Variants in ROCK2 observed in about 807,000 individuals in gnomAD.
The protein encoded by ROCK2 is Rho associated coiled-coil containing protein kinase 2, also known as rho-associated protein kinase 2.
ROCK2 carries 61 observed loss-of-function variants against 195.1 expected under a neutral mutation model. That is an observed-to-expected ratio of 0.31 (90% CI 0.25 to 0.39). ROCK2 has a LOEUF of 0.39. Among genes scored for constraint, ROCK2 ranks in the 10% least tolerant of loss-of-function variants. The pLI is 1.00. For synonymous variants in ROCK2, 504 were observed against 545.5 expected, an observed-to-expected ratio of 0.92 and a Z score of 1.06; for missense variants, 1,109 against 1,637.4, an observed-to-expected ratio of 0.68 and a Z score of 5.57.
At chr2:11,338,278 TGAA>T (rs952533643) in intron 1 of ROCK2, among the ~76,000 whole-genome samples, 28 of 152,088 alleles carry the variant, frequency 1.8e-4, no homozygotes, top group Admixed American at 1.8e-3. Context: ...GACCAGGAGT[TGAA>T]GGTTATAGTG....
intron 3 of ROCK2, among the ~76,000 whole-genome samples, chr2:11,277,534 T>A (rs924573718): frequency 1.3e-5 from 2 of 152,190 alleles, no homozygotes; most frequent in African/African-American, 4.8e-5. Flanking sequence ...CTTATGCCTT[T>A]GCGTACTCAT....
chr2:11,339,107 T>C (rs1669024629), intron 1 of ROCK2, among the ~76,000 whole-genome samples: 1 of 152,216 alleles, frequency 6.6e-6, no homozygotes, highest in African/African-American at 2.4e-5. Context: ...TTTCATTGCA[T>C]GCAAATTTAA....
intron 1 of ROCK2, among the ~76,000 whole-genome samples, chr2:11,332,365 T>C (rs1668794805): frequency 1.3e-5 from 2 of 152,312 alleles, no homozygotes; most frequent in African/African-American, 4.8e-5. Flanking sequence ...AACACTGGAA[T>C]TGGCCTGTGG....
intron 12 of ROCK2, among the ~76,000 whole-genome samples, chr2:11,216,549 C>T (rs1486048241): frequency 7.0e-6 from 1 of 143,214 alleles, no homozygotes; most frequent in Non-Finnish European, 1.5e-5. Context: ...CTCGCTCTGT[C>T]GCCCAGGCTG....
rs1356096624 is a variant in ROCK2 at position 11,317,597 on chromosome 2, TATATATATATA to T, written c.141+26388_141+26398del. Among the ~76,000 whole-genome samples the T allele has an allele frequency of 1.5e-3, 25 of 16,356 alleles. 3 individuals carry two copies. In the East Asian group the frequency reaches 0.1, roughly 68 times the overall value. 10.7% of individuals were successfully genotyped at this position (16,356 alleles called of 152,430 possible). ...ACATTTATATATATATATATATATATATATATATATATATATTTTTTTTTTTTTTTAATTAT... is the reference window on the plus strand; with the variant it reads ...ACATTTATATATATATATATATATATTATATTTTTTTTTTTTTTTAATTAT... On this transcript the variant is annotated intron_variant, in intron 1 of 32. Coordinates refer to ENST00000315872, the MANE Select transcript of ROCK2 (RefSeq NM_004850.5).
chr2:11,266,704 G>A (rs1038277727), intron 3 of ROCK2, among the ~76,000 whole-genome samples: 2 of 152,124 alleles, frequency 1.3e-5, no homozygotes, highest in Admixed American at 6.5e-5. Context: ...TACTGTATAC[G>A]AATCAACTTT....
At chr2:11,198,882 T>TA in intron 23 of ROCK2, 108 bp from the exon 24 acceptor site, 15 of 608,098 alleles carry the variant, frequency 2.5e-5, no homozygotes, top group Non-Finnish European at 3.4e-5. Flanking sequence ...CTCTTATTTT[T>TA]CTTTTTTTTT....
intron 3 of ROCK2, among the ~76,000 whole-genome samples, chr2:11,259,613 T>C (rs1467967421): frequency 2.7e-5 from 4 of 150,668 alleles, no homozygotes; most frequent in Non-Finnish European, 5.9e-5. Context: ...AATAAGTTTA[T>C]GTAGCTAACG....
chr2:11,211,041 A>T (rs905879719), intron 18 of ROCK2, among the ~76,000 whole-genome samples: 1 of 152,200 alleles, frequency 6.6e-6, no homozygotes, highest in Non-Finnish European at 1.5e-5. Context: ...TTTTCTCTGG[A>T]ATTTCAGAGT....
At chr2:11,207,250 TATA>T (rs1252495370) in intron 20 of ROCK2, among the ~76,000 whole-genome samples, 3 of 152,188 alleles carry the variant, frequency 2.0e-5, no homozygotes, top group African/African-American at 4.8e-5. Context: ...CAATCGTGCC[TATA>T]ATATTTTTAA....
chr2:11,270,461 T>C (rs1025587059), intron 3 of ROCK2, among the ~76,000 whole-genome samples: 5 of 152,184 alleles, frequency 3.3e-5, no homozygotes, highest in Admixed American at 1.3e-4. Context: ...TGTTTTTTTC[T>C]TCTTCTTGTA....
intron 4 of ROCK2, among the ~76,000 whole-genome samples, chr2:11,245,987 A>T (rs1242402608): frequency 8.5e-5 from 13 of 152,194 alleles, no homozygotes. Context: ...AAACAGAGAA[A>T]TATTTTTCTT....
Position 11,227,999 on chromosome 2 carries a change from G to T in ROCK2, c.724-601C>A, listed in dbSNP as rs187356883. On this transcript the variant is annotated intron_variant, in intron 5 of 32. Coordinates refer to ENST00000315872, the MANE Select transcript of ROCK2 (RefSeq NM_004850.5). The stretch of plus-strand genomic sequence containing the variant: ...GTGGCATCAATATATTTGGCATGAT[G>T]ATTTTTAAAAACCACTTATCTGTGT... 6.2e-3 allele frequency among the ~76,000 whole-genome samples: 945 copies of T among 152,276 alleles called. 9 individuals are homozygous for T. Among genetic ancestry groups the T allele is most frequent in the Non-Finnish European group, 9.8e-3 (669 of 68,002 alleles).
intron 23 of ROCK2, among the ~76,000 whole-genome samples, chr2:11,199,056 AC>A (rs150719088): frequency 0.042 from 6,419 of 151,838 alleles, 269 homozygotes; most frequent in Non-Finnish European, 0.06. Flanking sequence ...ATGCGCCACC[AC>A]ACCTGGCTAA....
chr2:11,326,019 A>C (rs998076004), intron 1 of ROCK2, among the ~76,000 whole-genome samples: 1 of 152,208 alleles, frequency 6.6e-6, no homozygotes, highest in African/African-American at 2.4e-5. Flanking sequence ...GAAATGAAGC[A>C]GATTTGGAGC....
intron 1 of ROCK2, among the ~76,000 whole-genome samples, chr2:11,295,115 T>C (rs945041100): frequency 2.3e-5 from 3 of 132,256 alleles, no homozygotes; most frequent in Admixed American, 8.7e-5. Flanking sequence ...TTATGGCTTA[T>C]AAATCAACAA....
At chr2:11,282,619 A>AAAAAAAAAAAAAAC (rs1553311626) in intron 3 of ROCK2, among the ~76,000 whole-genome samples, 1 of 151,464 alleles carries the variant, frequency 6.6e-6, no homozygotes, top group African/African-American at 2.4e-5. Context: ...AAAAAAAAAA[A>AAAAAAAAAAAAAAC]AAGAATCAAG....
chr2:11,252,924 C>T (rs1364240353), intron 3 of ROCK2, among the ~76,000 whole-genome samples: 1 of 147,448 alleles, frequency 6.8e-6, no homozygotes, highest in Admixed American at 6.8e-5. Context: ...GTGCATGTAT[C>T]CCAGAACTTA....
At chr2:11,281,706 T>A (rs979388191) in intron 3 of ROCK2, among the ~76,000 whole-genome samples, 1 of 152,136 alleles carries the variant, frequency 6.6e-6, no homozygotes, top group African/African-American at 2.4e-5. Flanking sequence ...TTCCTGTATA[T>A]GAGCAATGAA....
Sources: gnomAD v4.1 joint callset for allele counts (sites outside exome capture counted in the v4.1 genomes callset) on GRCh38, gnomAD v4.1.1 for gene constraint, MANE v1.5 for transcripts, NCBI Gene and HGNC (gene_info 2026-07-23, HGNC 2026-07-21) for gene names.